RBM7: variants seen among roughly 807,000 people sequenced by gnomAD.
RBM7 encodes RNA binding motif protein 7.
A neutral mutation model predicts 31.0 loss-of-function variants in RBM7; 13 were observed. The observed-to-expected ratio is 0.42, with a 90% CI of 0.27 to 0.67. The LOEUF is 0.67. Among genes scored for constraint, RBM7 ranks in the 30% least tolerant of loss-of-function variants. The pLI is 0.24. For synonymous variants in RBM7, 106 were observed against 111.2 expected, an observed-to-expected ratio of 0.95 and a Z score of 0.30; for missense variants, 245 against 326.2, an observed-to-expected ratio of 0.75 and a Z score of 1.92.
At chr11:114,405,671 T>C (rs759432240) in intron 3 of RBM7, 35 bp from the exon 4 acceptor site, 9 of 1,422,036 alleles carry the variant, frequency 6.3e-6, no homozygotes, top group African/African-American at 1.5e-5. Context: ...TAAATATTTA[T>C]TGAATGAATG....
intron 2 of RBM7, 51 bp from the exon 3 acceptor site, chr11:114,402,777 T>C: frequency 6.8e-7 from 1 of 1,480,666 alleles, no homozygotes; most frequent in Non-Finnish European, 9.4e-7. Context: ...AAGACAAAAT[T>C]TCAAATTAGA....
At chr11:114,405,574 T>TA in intron 3 of RBM7, 132 bp from the exon 4 acceptor site, 2 of 476,848 alleles carry the variant, frequency 4.2e-6, no homozygotes, top group Admixed American at 8.6e-5. Context: ...TCTGTATTCT[T>TA]ATTCTGGCTG....
intron 1 of RBM7, among the ~76,000 whole-genome samples, chr11:114,401,119 G>A (rs1489770485): frequency 6.6e-6 from 1 of 151,946 alleles, no homozygotes; most frequent in African/African-American, 2.4e-5. Flanking sequence ...ATTTGTCTTT[G>A]GTTTATCTGA....
Position 114,409,080 on chromosome 11 carries a change from A to G in RBM7, c.*1273A>G, listed in dbSNP as rs573079844. ...TACATATAGAGCATGATGTTTCACA[A>G]TCAGATTTTCAGTGACCCCTCGATT... On this transcript the variant is annotated 3_prime_UTR_variant, in exon 5 of 5. Coordinates refer to ENST00000375490, the MANE Select transcript of RBM7 (RefSeq NM_001286045.2). The G allele has an allele frequency of 1.3e-5, 2 of 152,322 alleles. No individual in the cohort carries two copies. The highest frequency in any genetic ancestry group is 2.1e-4 in the South Asian group (1 of 4,816). The allele number at this position is 152,322 out of a possible 1,614,324, so 9.4% of individuals were successfully genotyped here. A position where few individuals can be genotyped will look rare whatever the true frequency, so the allele number is the denominator to read the frequency against.
In RBM7 at chr11:114,407,674, G is replaced by A. The variant is rs376078417; in HGVS notation, c.671G>A (p.Gly224Glu). Residue 224 changes from glycine (G) to glutamate (E), a missense_variant, in exon 5 of 5, where the codon GGG becomes GAG. Physicochemically the swap from Gly to Glu is moderately conservative, Grantham distance 98. Transcript: ENST00000375490. ...YSREQRYTDH[G>E]SDHHYRGKRD... The stretch of plus-strand genomic sequence containing the variant: ...CGGGAACAGCGTTACACTGATCATG[G>A]GTCTGACCATCATTACAGAGGAAAG... 1.2e-6 allele frequency: 2 copies of A among 1,613,966 alleles called. No homozygotes were observed. The highest frequency in any genetic ancestry group is 1.7e-5 in the Admixed American group (1 of 60,006).
At position 114,408,072 on chromosome 11, in the gene RBM7, A is replaced by G; in HGVS notation, c.*265A>G. 3.9e-6 allele frequency: 1 copy of G among 258,418 alleles called. No homozygotes were observed. The allele number at this position is 258,418 out of a possible 1,614,324, so 16.0% of individuals were successfully genotyped here. ...TCCTAATCATTTTAGACACTTTAGG[A>G]GGGGGTGAAGTTGTATGATAAAGCA... On this transcript the variant is annotated 3_prime_UTR_variant, in exon 5 of 5. Transcript: ENST00000375490.
chr11:114,407,957 A>G lies in RBM7; in HGVS notation c.*150A>G. 1.1e-6 allele frequency: 1 copy of G among 910,748 alleles called. No homozygotes were observed. The highest frequency in any genetic ancestry group is 1.6e-6 in the Non-Finnish European group (1 of 643,276). The allele number at this position is 910,748 out of a possible 1,614,324, so 56.4% of individuals were successfully genotyped here. On this transcript the variant is annotated 3_prime_UTR_variant, in exon 5 of 5. Coordinates refer to ENST00000375490, the MANE Select transcript of RBM7 (RefSeq NM_001286045.2). ...TTTTTTAAAGCTACAGTTTAATACA[A>G]AATGAATTGCGGTTTTATTACATTA...
In RBM7 at chr11:114,407,590, C is replaced by A; in HGVS notation, c.587C>A (p.Ser196Ter). The A allele has an allele frequency of 6.2e-7, 1 of 1,614,152 alleles. No homozygotes were observed. Among genetic ancestry groups the A allele is most frequent in the Non-Finnish European group, 8.5e-7 (1 of 1,180,006 alleles). ...TCCCAGTGGCGCCAAGGTACACCATCATCACAGCGTAAAGTCAGAATGAAT... is the reference window on the plus strand; with the variant it reads ...TCCCAGTGGCGCCAAGGTACACCATAATCACAGCGTAAAGTCAGAATGAAT... ...SSSQWRQGTP[S>*]SQRKVRMNSY... is the part of the protein sequence containing the mutation. Residue 196 changes from serine (S) to a stop codon, truncating the protein, a stop_gained, in exon 5 of 5, where the codon TCA becomes TAA. Coordinates refer to ENST00000375490, the MANE Select transcript of RBM7 (RefSeq NM_001286045.2). LOFTEE classifies it high-confidence loss of function.
intron 3 of RBM7, 125 bp from the exon 4 acceptor site, chr11:114,405,581 G>T (rs995428425): frequency 2.9e-5 from 14 of 484,646 alleles, no homozygotes; most frequent in Non-Finnish European, 4.2e-5. Flanking sequence ...TCTTATTCTG[G>T]CTGCATGAGA....
chr11:114,401,921 G>T, intron 2 of RBM7, 61 bp downstream of exon 2: 1 of 1,466,720 alleles, frequency 6.8e-7, no homozygotes, highest in South Asian at 1.4e-5. Context: ...TTATTATTCA[G>T]TTTTAAAGAA....
intron 2 of RBM7, chr11:114,402,120 G>A (rs892741660): frequency 1.2e-5 from 4 of 333,514 alleles, no homozygotes; most frequent in Non-Finnish European, 1.6e-5. Flanking sequence ...AGAGAGCTGG[G>A]CTTGGGTACT....
intron 1 of RBM7, 67 bp from the exon 2 acceptor site, chr11:114,401,631 A>T: frequency 8.0e-7 from 1 of 1,242,748 alleles, no homozygotes; most frequent in Admixed American, 3.3e-5. Flanking sequence ...GTCATATCTT[A>T]TTTGTAAAAT....
chr11:114,401,392 A>T, intron 1 of RBM7, among the ~76,000 whole-genome samples: 1 of 152,190 alleles, frequency 6.6e-6, no homozygotes, highest in East Asian at 1.9e-4. Context: ...TGTTCTTGAT[A>T]AATGTTCATT....
intron 4 of RBM7, chr11:114,406,005 TTTTA>T: frequency 2.1e-6 from 1 of 477,174 alleles, no homozygotes; most frequent in Middle Eastern, 5.5e-4. Flanking sequence ...TGAGCACTCA[TTTTA>T]GTTTTCACTG....
At position 114,400,728 on chromosome 11, in the gene RBM7, G is replaced by C. The variant is rs778787567; in HGVS notation, c.57G>C (p.Thr19=). Reference sequence around the variant, plus strand: ...CTCTCTTTGTGGGCAACCTTGAAACGAAAGTGACCGAGGAGCTCCTTTTCG... The same window carrying C: ...CTCTCTTTGTGGGCAACCTTGAAACCAAAGTGACCGAGGAGCTCCTTTTCG... ...DRTLFVGNLE[T]KVTEELLFEL... is the part of the protein sequence containing the mutation. Residue 19 remains threonine (T), a synonymous_variant, in exon 1 of 5, where the codon ACG becomes ACC. Transcript: ENST00000375490. The C allele has an allele frequency of 1.7e-5, 28 of 1,614,248 alleles. No homozygotes were observed. The highest frequency in any genetic ancestry group is 2.4e-5 in the Non-Finnish European group (28 of 1,180,048).
intron 2 of RBM7, 119 bp downstream of exon 2, chr11:114,401,979 A>C (rs1280857165): frequency 9.8e-7 from 1 of 1,024,684 alleles, no homozygotes; most frequent in Non-Finnish European, 1.4e-6. Context: ...GTGAATAGTA[A>C]ACTTTATATA....
intron 4 of RBM7, 81 bp from the exon 5 acceptor site, chr11:114,407,364 T>G: frequency 6.9e-7 from 1 of 1,455,562 alleles, no homozygotes; most frequent in South Asian, 1.4e-5. Flanking sequence ...TTTATTTTCT[T>G]TCATTTTCTG....
chr11:114,401,569 G>A (rs1292541491), intron 1 of RBM7, 129 bp from the exon 2 acceptor site: 15 of 754,756 alleles, frequency 2.0e-5, no homozygotes, highest in East Asian at 3.2e-5. Flanking sequence ...GGAAATCCGT[G>A]CATCATTTTC....
At chr11:114,402,417 T>A (rs1362417126) in intron 2 of RBM7, among the ~76,000 whole-genome samples, 1 of 90,624 alleles carries the variant, frequency 1.1e-5, no homozygotes, top group Non-Finnish European at 2.1e-5. Context: ...TTTTTTTTTT[T>A]TTTTGAGATG....
Sources: gnomAD v4.1 joint callset for allele counts (sites outside exome capture counted in the v4.1 genomes callset) on GRCh38, gnomAD v4.1.1 for gene constraint, MANE v1.5 for transcripts, NCBI Gene and HGNC (gene_info 2026-07-23, HGNC 2026-07-21) for gene names.